The following CCNH variants were observed in gnomAD, a reference collection of about 807,000 sequenced individuals.
The protein encoded by CCNH is cyclin H, also known as cyclin-H.
In CCNH, 31 loss-of-function variants were observed where a neutral mutation model predicts 41.9. That is an observed-to-expected ratio of 0.74 (90% CI 0.56 to 1.00). The LOEUF (loss-of-function observed/expected upper bound fraction) is 1.00. Among genes scored for constraint, CCNH ranks in the 50% least tolerant of loss-of-function variants. The pLI, the probability that CCNH is intolerant of heterozygous loss-of-function variation, is 0.00. For synonymous variants in CCNH, 138 were observed against 136.1 expected (o/e 1.01, Z -0.10); for missense variants, 362 against 388.4 (o/e 0.93, Z 0.57).
intron 9 of CCNH, among the ~76,000 whole-genome samples, chr5:87,351,893 C>T (rs1759306768): frequency 6.6e-6 from 1 of 151,764 alleles, no homozygotes. Flanking sequence ...TGAGGTGCTA[C>T]AGTGGATTGA....
downstream of CCNH, among the ~76,000 whole-genome samples, chr5:87,372,560 T>A (rs1040110579): frequency 6.6e-6 from 1 of 152,184 alleles, no homozygotes; most frequent in East Asian, 1.9e-4. Flanking sequence ...TAAACTTTTT[T>A]GGGATTTTCA....
chr5:87,409,205 T>TCA lies in CCNH; in HGVS notation c.314+83_314+84dup, dbSNP rs997518085. On this transcript the variant is annotated intron_variant, in intron 3 of 8. Coordinates refer to ENST00000256897, the MANE Select transcript of CCNH (RefSeq NM_001239.4). The stretch of plus-strand genomic sequence containing the variant: ...GAAGTCAGTTCTCTCTCTCTCTCTC[T>TCA]CACAATTCTCTCCTCCCAAAAAATA... The TCA allele has an allele frequency of 2.2e-5, 15 of 677,524 alleles. No homozygotes were observed. In the African/African-American group the frequency reaches 2.6e-4, roughly 12 times the overall value. The allele number at this position is 677,524 out of a possible 1,614,324, so 42.0% of individuals were successfully genotyped here.
At chr5:87,353,289 TTGG>T in intron 9 of CCNH, 2 of 1,400,108 alleles carry the variant, frequency 1.4e-6, no homozygotes, top group Non-Finnish European at 1.0e-6. Flanking sequence ...AAAATGCATT[TTGG>T]TGGTATGTTT....
intron 9 of CCNH, among the ~76,000 whole-genome samples, chr5:87,342,854 G>A (rs550381124): frequency 1.3e-5 from 2 of 152,154 alleles, no homozygotes; most frequent in East Asian, 1.9e-4. Flanking sequence ...TTAGATAATA[G>A]CAATGGAATT....
intron 2 of CCNH, among the ~76,000 whole-genome samples, chr5:87,410,346 G>C (rs1764136313): frequency 6.6e-6 from 1 of 151,976 alleles, no homozygotes. Context: ...AGCCAAATCT[G>C]AAGATATAAA....
At chr5:87,383,860 T>A in intron 9 of CCNH, 21 of 222,506 alleles carry the variant, frequency 9.4e-5, no homozygotes, top group East Asian at 1.6e-4. Flanking sequence ...CTCTTAAATC[T>A]TTTTTTTTTT....
chr5:87,381,027 T>G (rs1761677588), upstream of CCNH, among the ~76,000 whole-genome samples: 6 of 152,212 alleles, frequency 3.9e-5, no homozygotes, highest in South Asian at 1.2e-3. Context: ...TCTGAAGCTG[T>G]GTTTCAGTCT....
chr5:87,379,714 T>C (rs1471149721), upstream of CCNH: 3 of 1,609,738 alleles, frequency 1.9e-6, no homozygotes, highest in Middle Eastern at 1.8e-4. Flanking sequence ...TGCATTTATA[T>C]TGATTTATTC....
intron 9 of CCNH, chr5:87,337,989 T>C (rs369354616): frequency 1.2e-6 from 2 of 1,609,148 alleles, no homozygotes; most frequent in Non-Finnish European, 1.7e-6. Context: ...TAAAAGGAGA[T>C]ATGTTCATTG....
chr5:87,337,732 G>A (rs1210020652), intron 9 of CCNH, among the ~76,000 whole-genome samples: 1 of 152,008 alleles, frequency 6.6e-6, no homozygotes, highest in Admixed American at 6.6e-5. Context: ...GATATAGTTA[G>A]TGCAGATACT....
At chr5:87,358,607 G>T (rs993730816) in intron 9 of CCNH, among the ~76,000 whole-genome samples, 3 of 152,174 alleles carry the variant, frequency 2.0e-5, no homozygotes, top group African/African-American at 4.8e-5. Context: ...CAGTCACTGG[G>T]ATCCATTTAA....
intron 9 of CCNH, chr5:87,346,782 C>A: frequency 7.6e-7 from 1 of 1,314,254 alleles, no homozygotes; most frequent in Non-Finnish European, 1.1e-6. Flanking sequence ...AAAAAGTGAA[C>A]AAACCATTTA....
At chr5:87,340,857 G>T (rs1758380332) in intron 9 of CCNH, among the ~76,000 whole-genome samples, 1 of 151,952 alleles carries the variant, frequency 6.6e-6, no homozygotes, top group Non-Finnish European at 1.5e-5. Flanking sequence ...CATGGTATAG[G>T]AACCAAAAAA....
chr5:87,385,506 AT>A (rs1434912502), intron 9 of CCNH: 1 of 782,164 alleles, frequency 1.3e-6, no homozygotes, highest in African/African-American at 1.7e-5. Context: ...ATGAAAGATT[AT>A]TTTTGTTGGT....
At chr5:87,393,474 A>ATAAC (rs1554051624), downstream of CCNH, 2 of 152,230 alleles carry the variant, frequency 1.3e-5, no homozygotes, top group African/African-American at 4.8e-5. Context: ...TAGAGGTTTA[A>ATAAC]TAACTTACCA....
chr5:87,360,176 G>A (rs1759975184), intron 9 of CCNH, among the ~76,000 whole-genome samples: 1 of 148,458 alleles, frequency 6.7e-6, no homozygotes, highest in Non-Finnish European at 1.5e-5. Context: ...CTCAGGCTTG[G>A]AGTGGAATGG....
intron 9 of CCNH, among the ~76,000 whole-genome samples, chr5:87,358,808 T>C (rs1759851922): frequency 6.6e-6 from 1 of 152,176 alleles, no homozygotes; most frequent in Non-Finnish European, 1.5e-5. Flanking sequence ...TATTATTATT[T>C]GTAAATAAGC....
upstream of CCNH, chr5:87,377,268 C>A (rs1293741294): frequency 3.6e-6 from 2 of 552,190 alleles, no homozygotes; most frequent in East Asian, 6.6e-5. Flanking sequence ...TACTAGAAGC[C>A]ACAAGAAGGT....
Position 87,404,913 on chromosome 5 carries a change from T to C in CCNH, c.620A>G (p.Tyr207Cys), listed in dbSNP as rs138552646. 23 of 1,613,550 alleles carry C rather than the reference T, an allele frequency of 1.4e-5. No individual in the cohort carries two copies. In the East Asian group the frequency reaches 5.1e-4, roughly 36 times the overall value. ...AGTCAGGGCAATTTGGGAAGGTGTG[T>C]ATAAAAGGTAAGCATCCGTCAATGC... ...RIALTDAYLL[Y>C]TPSQIALTAI... Residue 207 changes from tyrosine to cysteine, a missense_variant, in exon 5 of 9, where the codon TAC (tyrosine) becomes TGC (cysteine). Transcript: ENST00000256897.
Sources: allele counts gnomAD v4.1 joint callset (sites outside exome capture counted in the v4.1 genomes callset), GRCh38; gene constraint gnomAD v4.1.1; transcripts MANE v1.5; gene names NCBI Gene and HGNC (gene_info 2026-07-23, HGNC 2026-07-21).